Variants in CDH12 observed in about 807,000 individuals in gnomAD.
The protein encoded by CDH12 is cadherin 12.
In CDH12, 41 loss-of-function variants were observed where a neutral mutation model predicts 74.1. The ratio of observed to expected loss-of-function variants is 0.55; its 90% CI spans 0.43 to 0.72. The LOEUF (loss-of-function observed/expected upper bound fraction) is 0.72. Ranked by LOEUF, CDH12 falls within the 30% of genes least tolerant of loss-of-function variation. The pLI is 0.00. For missense variants in CDH12, 945 were observed against 977.2 expected, an observed-to-expected ratio of 0.97 and a Z score of 0.44; for synonymous variants, 399 against 355.0, an observed-to-expected ratio of 1.12 and a Z score of -1.39.
intron 1 of CDH12, among the ~76,000 whole-genome samples, chr5:22,574,162 C>T (rs1739670432): frequency 6.7e-6 from 1 of 148,510 alleles, no homozygotes; most frequent in Admixed American, 6.8e-5. Context: ...TCACTGCAAC[C>T]TCTGCCTCCT....
At chr5:21,909,456 C>T (rs1753772899) in intron 6 of CDH12, among the ~76,000 whole-genome samples, 1 of 151,982 alleles carries the variant, frequency 6.6e-6, no homozygotes, top group African/African-American at 2.4e-5. Flanking sequence ...CAAAATTTTG[C>T]ATTGTTCATT....
At chr5:22,445,287 A>T (rs977807321) in intron 2 of CDH12, among the ~76,000 whole-genome samples, 10 of 152,138 alleles carry the variant, frequency 6.6e-5, no homozygotes, top group Non-Finnish European at 1.5e-4. Flanking sequence ...AAGTAAATGA[A>T]TGAGAACTAA....
At chr5:22,847,876 TTTTC>T (rs144067529) in intron 1 of CDH12, among the ~76,000 whole-genome samples, 8,862 of 151,910 alleles carry the variant, frequency 0.058, 356 homozygotes, top group East Asian at 0.12. Context: ...TATTCTTTTT[TTTTC>T]TTTCTTTCTT....
At chr5:21,802,057 C>G in intron 10 of CDH12, 110 bp downstream of exon 10, 4 of 881,134 alleles carry the variant, frequency 4.5e-6, no homozygotes, top group Non-Finnish European at 6.9e-6. Context: ...GCATCATATT[C>G]TATAATTAAA....
At chr5:22,529,223 A>T (rs71609299) in intron 1 of CDH12, among the ~76,000 whole-genome samples, 1 of 144,408 alleles carries the variant, frequency 6.9e-6, no homozygotes. Context: ...AGAGAGAGAG[A>T]GAAGAGAGAG....
chr5:22,428,103 A>G (rs1225656853), intron 2 of CDH12, among the ~76,000 whole-genome samples: 1 of 152,090 alleles, frequency 6.6e-6, no homozygotes, highest in East Asian at 1.9e-4. Flanking sequence ...CATGTATAAC[A>G]GCTTTCTTTG....
chr5:22,817,781 A>C (rs926210920), intron 1 of CDH12, among the ~76,000 whole-genome samples: 4 of 152,196 alleles, frequency 2.6e-5, no homozygotes, highest in African/African-American at 9.6e-5. Flanking sequence ...TGATGCCTTT[A>C]AGAATCCCCA....
chr5:21,816,624 CAAAAAAAAAAAA>C (rs542222336), intron 9 of CDH12, among the ~76,000 whole-genome samples: 242 of 17,968 alleles, frequency 0.013, 4 homozygotes, highest in African/African-American at 0.028. Context: ...AACTCCATCT[CAAAAAAAAAAAA>C]AAAAAAAAAA....
In CDH12 at chr5:21,950,781, A is replaced by ATTATTAT. The variant is rs1207279305; in HGVS notation, c.526+24303_526+24309dup. On this transcript the variant is annotated intron_variant, in intron 6 of 14. Transcript: ENST00000382254. ...TTTTATTATTATTATTATTATTATTATTATTATTATTATTATTATTTTGAG... is the reference window on the plus strand; with the variant it reads ...TTTTATTATTATTATTATTATTATTATTATTATTTATTATTATTATTATTATTTTGAG... Among the ~76,000 whole-genome samples the ATTATTAT allele has an allele frequency of 2.7e-5, 4 of 145,680 alleles. No individual in the cohort carries two copies. The East Asian group carries it at 7.9e-4, about 29-fold the overall frequency.
chr5:22,607,466 A>G (rs941459529), intron 1 of CDH12, among the ~76,000 whole-genome samples: 4 of 152,188 alleles, frequency 2.6e-5, no homozygotes, highest in African/African-American at 9.7e-5. Context: ...GCAGCAAGAG[A>G]AAATGAGGAA....
At chr5:22,760,698 A>C (rs1463034114) in intron 1 of CDH12, among the ~76,000 whole-genome samples, 23 of 146,260 alleles carry the variant, frequency 1.6e-4, no homozygotes, top group South Asian at 1.5e-3. Context: ...AAAAAAAAAA[A>C]AACAAAAAAA....
intron 4 of CDH12, among the ~76,000 whole-genome samples, chr5:22,171,950 A>T (rs1475958089): frequency 6.6e-6 from 1 of 151,920 alleles, no homozygotes; most frequent in Non-Finnish European, 1.5e-5. Context: ...CAGGTGTAGG[A>T]GTGAGAAAGG....
At chr5:22,197,138 C>T (rs1333525516) in intron 4 of CDH12, among the ~76,000 whole-genome samples, 1 of 151,990 alleles carries the variant, frequency 6.6e-6, no homozygotes, top group Non-Finnish European at 1.5e-5. Flanking sequence ...GCCTTCAATA[C>T]CTCAACTTAA....
At chr5:21,992,950 C>T (rs919398588) in intron 5 of CDH12, among the ~76,000 whole-genome samples, 6 of 152,142 alleles carry the variant, frequency 3.9e-5, no homozygotes, top group African/African-American at 1.4e-4. Flanking sequence ...GAAGGCGAGG[C>T]ACATCTTACA....
At chr5:21,906,825 C>T (rs945073768) in intron 6 of CDH12, among the ~76,000 whole-genome samples, 9 of 152,116 alleles carry the variant, frequency 5.9e-5, no homozygotes, top group Admixed American at 5.9e-4. Flanking sequence ...AGTAAGAAAT[C>T]AGTGTTTTTT....
At chr5:22,531,939 C>T (rs1313766835) in intron 1 of CDH12, among the ~76,000 whole-genome samples, 1 of 152,096 alleles carries the variant, frequency 6.6e-6, no homozygotes, top group African/African-American at 2.4e-5. Flanking sequence ...AGTCTCTGGA[C>T]TGTGGTTCAC....
chr5:22,492,978 T>C (rs989938479), intron 2 of CDH12, among the ~76,000 whole-genome samples: 2 of 152,200 alleles, frequency 1.3e-5, no homozygotes. Context: ...TCAGATATCA[T>C]ATCCTTTCTC....
intron 1 of CDH12, among the ~76,000 whole-genome samples, chr5:22,665,312 C>T (rs1561562128): frequency 6.6e-6 from 1 of 152,112 alleles, no homozygotes; most frequent in Non-Finnish European, 1.5e-5. Flanking sequence ...CATAGGAATG[C>T]AATTTTCTAG....
At chr5:22,553,885 C>G (rs373159527) in intron 1 of CDH12, among the ~76,000 whole-genome samples, 8 of 152,098 alleles carry the variant, frequency 5.3e-5, no homozygotes, top group Non-Finnish European at 1.2e-4. Flanking sequence ...CATTTTGCAA[C>G]CTGCTGTCAA....
Sources: allele counts gnomAD v4.1 joint callset (sites outside exome capture counted in the v4.1 genomes callset), GRCh38; gene constraint gnomAD v4.1.1; transcripts MANE v1.5; gene names NCBI Gene and HGNC (gene_info 2026-07-23, HGNC 2026-07-21).